Variants in PCDHA9 observed in about 807,000 individuals in gnomAD.
PCDHA9 encodes the protein protocadherin alpha 9, also known as protocadherin alpha-9.
Under a neutral mutation model 62.0 loss-of-function variants are expected in PCDHA9, and 62 were observed. The observed-to-expected ratio is 1.00, with a 90% confidence interval of 0.81 to 1.23. The LOEUF is 1.23. Among genes scored for constraint, PCDHA9 ranks in the 50% most tolerant of loss-of-function variants. The pLI is 0.00. For synonymous variants in PCDHA9, 557 were observed against 567.6 expected (o/e 0.98, Z 0.27); for missense variants, 1,205 against 1,249.8 (o/e 0.96, Z 0.54).
intron 1 of PCDHA9, among the ~76,000 whole-genome samples, chr5:140,971,717 T>C (rs2096494226): frequency 6.6e-6 from 1 of 152,012 alleles, no homozygotes; most frequent in Non-Finnish European, 1.5e-5. Flanking sequence ...TATAGATATA[T>C]GTATATCATA....
At chr5:140,861,743 C>T in intron 1 of PCDHA9, 1 of 152,806 alleles carries the variant, frequency 6.5e-6, no homozygotes, top group Non-Finnish European at 1.4e-5. Context: ...CATACTGTGC[C>T]GCAATGATTA....
chr5:140,853,245 C>T lies in PCDHA9; in HGVS notation c.2394+2356C>T. On this transcript the variant is annotated intron_variant, in intron 1 of 3. Coordinates refer to ENST00000532602, the MANE Select transcript of PCDHA9 (RefSeq NM_031857.2). ...TGGTAATTTAGTCCTTCATATTAAT[C>T]TCTATTCTCTCTCAGAGTACAAGCT... The T allele has an allele frequency of 2.1e-6, 2 of 975,340 alleles. 1 individual carries two copies. The highest frequency in any genetic ancestry group is 2.5e-6 in the Non-Finnish European group (2 of 808,438). The allele number at this position is 975,340 out of a possible 1,614,324, so 60.4% of individuals were successfully genotyped here.
chr5:140,859,774 G>C (rs1214476805), intron 1 of PCDHA9: 1 of 152,534 alleles, frequency 6.6e-6, no homozygotes, highest in Non-Finnish European at 1.5e-5. Flanking sequence ...TCCATGCCCT[G>C]TCTCCAGCTC....
intron 1 of PCDHA9, among the ~76,000 whole-genome samples, chr5:140,949,801 C>T (rs964520875): frequency 6.6e-5 from 10 of 151,836 alleles, no homozygotes; most frequent in African/African-American, 2.4e-4. Context: ...TCCTTCAATA[C>T]ATTATTTGCT....
chr5:140,979,807 A>T (rs376087021), intron 2 of PCDHA9, among the ~76,000 whole-genome samples: 2 of 152,258 alleles, frequency 1.3e-5, no homozygotes, highest in African/African-American at 4.8e-5. Flanking sequence ...CACAACTATC[A>T]AAAGGATTTA....
At chr5:140,904,074 T>G (rs2070811489) in intron 1 of PCDHA9, among the ~76,000 whole-genome samples, 1 of 152,214 alleles carries the variant, frequency 6.6e-6, no homozygotes, top group East Asian at 1.9e-4. Flanking sequence ...GGGAACAGTA[T>G]TTGGTTACAT....
At chr5:141,003,328 G>C (rs941196932) in intron 3 of PCDHA9, among the ~76,000 whole-genome samples, 1 of 152,102 alleles carries the variant, frequency 6.6e-6, no homozygotes, top group Admixed American at 6.5e-5. Flanking sequence ...AGAGGGCAGG[G>C]TTTTTTGTTT....
intron 1 of PCDHA9, among the ~76,000 whole-genome samples, chr5:140,950,402 G>A (rs1459486068): frequency 6.6e-6 from 1 of 151,846 alleles, no homozygotes; most frequent in African/African-American, 2.4e-5. Context: ...AATTCTGGGG[G>A]ATTGACAGAT....
chr5:140,877,326 G>T (rs781931363), intron 1 of PCDHA9: 1 of 1,613,964 alleles, frequency 6.2e-7, no homozygotes, highest in East Asian at 2.2e-5. Flanking sequence ...CGGTCGGCGC[G>T]CACATCCCGT....
intron 1 of PCDHA9, chr5:140,851,981 G>A: frequency 1.0e-6 from 1 of 976,468 alleles, no homozygotes; most frequent in Non-Finnish European, 1.2e-6. Flanking sequence ...TACCTTTAGT[G>A]CAAGCTATTT....
At chr5:140,866,293 T>TAG (rs2049266972) in intron 1 of PCDHA9, 1 of 152,272 alleles carries the variant, frequency 6.6e-6, no homozygotes, top group East Asian at 1.9e-4. Context: ...GGGACAAGTA[T>TAG]AGATGTTGAT....
intron 1 of PCDHA9, among the ~76,000 whole-genome samples, chr5:140,907,290 G>T (rs1554192922): frequency 1.3e-5 from 2 of 152,200 alleles, no homozygotes; most frequent in East Asian, 3.8e-4. Context: ...CAATCCAGCT[G>T]CTTCAGGATG....
intron 3 of PCDHA9, among the ~76,000 whole-genome samples, chr5:140,990,016 G>A (rs1211656433): frequency 6.6e-6 from 1 of 152,138 alleles, no homozygotes; most frequent in East Asian, 1.9e-4. Flanking sequence ...GCGTGGGCTA[G>A]GCAAAGGATG....
rs1472038377 is a variant in PCDHA9, at chr5:140,849,292, C to T, written c.797C>T (p.Ala266Val). ...GGAACGCTGGTGATTCACCCCAATG[C>T]CTCAGATTTAGACGAAGGCTTGAAT... ...SIGTLVIHPN[A>V]SDLDEGLNGD... The change falls in exon 1 of 4, where the codon GCC becomes GTC. Residue 266 changes from alanine to valine, a missense_variant. By Grantham distance (64) the Ala-to-Val change is moderately conservative. Coordinates refer to ENST00000532602, the MANE Select transcript of PCDHA9 (RefSeq NM_031857.2). The T allele has an allele frequency of 1.5e-5, 18 of 1,231,626 alleles. No individual in the cohort carries two copies. The highest frequency in any genetic ancestry group is 1.8e-5 in the African/African-American group (1 of 55,500). 76.3% of individuals were successfully genotyped at this position (1,231,626 alleles called of 1,614,324 possible).
chr5:140,871,298 C>G (rs987284077), intron 1 of PCDHA9: 1 of 1,613,894 alleles, frequency 6.2e-7, no homozygotes, highest in Non-Finnish European at 8.5e-7. Flanking sequence ...GGCGCGTGCG[C>G]GCCGGGGAAG....
At chr5:140,885,050 C>T (rs1183142093) in intron 1 of PCDHA9, among the ~76,000 whole-genome samples, 3 of 152,164 alleles carry the variant, frequency 2.0e-5, no homozygotes, top group African/African-American at 7.2e-5. Context: ...TTAATGTATA[C>T]ATATACCCAC....
intron 3 of PCDHA9, among the ~76,000 whole-genome samples, chr5:140,987,400 C>T (rs1554249169): frequency 1.3e-5 from 2 of 152,090 alleles, no homozygotes; most frequent in Middle Eastern, 3.2e-3. Context: ...AGGAAGCCAT[C>T]TGTTTATGGT....
Position 140,850,315 on chromosome 5 carries a change from T to G in PCDHA9, c.1820T>G (p.Leu607Arg), listed in dbSNP as rs2150479120. 2.9e-5 allele frequency: 47 copies of G among 1,597,110 alleles called. 5 individuals are homozygous for G. Among genetic ancestry groups the G allele is most frequent in the Non-Finnish European group, 3.9e-5 (45 of 1,167,642 alleles). Residue 607 changes from leucine to arginine, a missense_variant, in exon 1 of 4, where the codon CTT becomes CGT. Coordinates refer to ENST00000532602, the MANE Select transcript of PCDHA9 (RefSeq NM_031857.2). ...GCCGACTCGGGCTACAACGCGTGGC[T>G]TTCATACGAGCTGCAGCCAGAAACG... is the stretch of plus-strand genomic sequence containing the variant. ...VDADSGYNAW[L>R]SYELQPETAS...
In PCDHA9 at chr5:141,011,628, A is replaced by G. The variant is rs568783669; in HGVS notation, c.*1691A>G. On this transcript the variant is annotated 3_prime_UTR_variant, in exon 4 of 4. Coordinates refer to ENST00000532602, the MANE Select transcript of PCDHA9 (RefSeq NM_031857.2). ...TTTATTTATGGTCCAGCCAAGAGCC[A>G]TCTCGTGCCAAGACTTCTGCTGGCA... is the stretch of plus-strand genomic sequence containing the variant. The G allele has an allele frequency of 6.5e-6, 1 of 153,882 alleles. No homozygotes were observed. Among genetic ancestry groups the G allele is most frequent in the East Asian group, 1.9e-4 (1 of 5,186 alleles). 9.5% of individuals were successfully genotyped at this position (153,882 alleles called of 1,614,324 possible).
Sources: gnomAD v4.1 joint callset for allele counts (sites outside exome capture counted in the v4.1 genomes callset) on GRCh38, gnomAD v4.1.1 for gene constraint, MANE v1.5 for transcripts, NCBI Gene and HGNC (gene_info 2026-07-23, HGNC 2026-07-21) for gene names.